The following ATG16L1 variants were observed in gnomAD, a reference collection of about 807,000 sequenced individuals.
The protein encoded by ATG16L1 is autophagy-related protein 16-1.
Under a neutral mutation model 88.5 loss-of-function variants are expected in ATG16L1, and 37 were observed. The ratio of observed to expected loss-of-function variants is 0.42; its 90% CI spans 0.32 to 0.55. The LOEUF (loss-of-function observed/expected upper bound fraction) is 0.55, where lower values mean the gene tolerates loss of function less well. Ranked by LOEUF, ATG16L1 falls within the 20% of genes least tolerant of loss-of-function variation. The pLI is 0.13. For synonymous variants in ATG16L1, 301 were observed against 281.0 expected (o/e 1.07, Z -0.71); for missense variants, 554 against 752.8 (o/e 0.74, Z 3.09).
At chr2:233,293,490 CT>C in intron 17 of ATG16L1, 133 bp downstream of exon 17, 2 of 792,570 alleles carry the variant, frequency 2.5e-6, no homozygotes, top group Non-Finnish European at 4.3e-6. Context: ...GCTGGCTGAG[CT>C]AGGTCAGTGG....
chr2:233,252,203 C>T (rs1696421751), intron 1 of ATG16L1, among the ~76,000 whole-genome samples: 1 of 152,358 alleles, frequency 6.6e-6, no homozygotes. Context: ...ATCCCAGTAG[C>T]TCATACAATG....
chr2:233,253,455 CCTGCCTCAGCCTCCCTAGTAG>C (rs1696555901), intron 1 of ATG16L1, among the ~76,000 whole-genome samples: 1 of 149,726 alleles, frequency 6.7e-6, no homozygotes, highest in Admixed American at 6.7e-5. Context: ...AAGAGATCCT[CCTGCCTCAGCCTCCCTAGTAG>C]CTGGAACTAT....
At chr2:233,288,757 C>T (rs769643339) in intron 12 of ATG16L1, 12 of 518,976 alleles carry the variant, frequency 2.3e-5, no homozygotes, top group Middle Eastern at 3.2e-4. Context: ...TCTCCTCCAT[C>T]GCACTTCAGA....
chr2:233,279,654 G>A (rs1698595102), intron 10 of ATG16L1, among the ~76,000 whole-genome samples: 1 of 152,102 alleles, frequency 6.6e-6, no homozygotes, highest in Admixed American at 6.5e-5. Context: ...ATTATCAGAA[G>A]AATCACACTT....
In ATG16L1 at chr2:233,294,898, C is replaced by G. The variant is rs1426110098; in HGVS notation, c.*548C>G. Reference sequence around the variant, plus strand: ...TTACTGCTGAAATGTCCTCACATCTCTTTCACTGTTCTTCAGAGCTTTCTG... The same window carrying G: ...TTACTGCTGAAATGTCCTCACATCTGTTTCACTGTTCTTCAGAGCTTTCTG... On this transcript the variant is annotated 3_prime_UTR_variant, in exon 18 of 18. Coordinates refer to ENST00000392017, the MANE Select transcript of ATG16L1 (RefSeq NM_030803.7). 6.6e-6 allele frequency: 1 copy of G among 152,422 alleles called. No homozygotes were observed. The highest frequency in any genetic ancestry group is 6.6e-5 in the Admixed American group (1 of 15,238). The allele number at this position is 152,422 out of a possible 1,614,324, so 9.4% of individuals were successfully genotyped here. A position where few individuals can be genotyped will look rare whatever the true frequency, so the allele number is the denominator to read the frequency against.
chr2:233,267,232 C>T (rs1021951011), intron 5 of ATG16L1, among the ~76,000 whole-genome samples: 2 of 152,058 alleles, frequency 1.3e-5, no homozygotes. Context: ...GCCTGTAATC[C>T]CAGCTACTCA....
In ATG16L1 at chr2:233,290,258, A is replaced by C. The variant is rs1420730248; in HGVS notation, c.1335A>C (p.Thr445=). ...WDLRSKVCIK[T]VFAGSSCNDI... ...TTGCATTTCTTTCAGGCATAAAGACAGTGTTTGCAGGATCCAGTTGCAATG... is the reference window on the plus strand; with the variant it reads ...TTGCATTTCTTTCAGGCATAAAGACCGTGTTTGCAGGATCCAGTTGCAATG... The change falls in exon 14 of 18, where the codon ACA becomes ACC. Residue 445 remains threonine, a synonymous_variant. Coordinates refer to ENST00000392017, the MANE Select transcript of ATG16L1 (RefSeq NM_030803.7). The C allele has an allele frequency of 6.2e-7, 1 of 1,614,150 alleles. No individual in the cohort carries two copies. The highest frequency in any genetic ancestry group is 8.5e-7 in the Non-Finnish European group (1 of 1,179,970).
intron 11 of ATG16L1, among the ~76,000 whole-genome samples, 182 bp downstream of exon 11, chr2:233,281,357 C>T (rs1000485704): frequency 7.2e-5 from 11 of 152,044 alleles, no homozygotes; most frequent in African/African-American, 2.4e-4. Context: ...CTGATAAACC[C>T]TTGGGTTCTG....
At chr2:233,277,326 A>G (rs1381315438) in intron 9 of ATG16L1, 5 of 413,038 alleles carry the variant, frequency 1.2e-5, no homozygotes, top group African/African-American at 2.0e-5. Flanking sequence ...TAAGCAGTCT[A>G]CACAGATTTT....
chr2:233,264,099 C>A, intron 4 of ATG16L1, 34 bp downstream of exon 4: 2 of 1,607,160 alleles, frequency 1.2e-6, no homozygotes, highest in South Asian at 2.2e-5. Flanking sequence ...GGAGCCTGGT[C>A]ATTGGGTCCC....
chr2:233,261,616 T>G (rs1193603617), intron 2 of ATG16L1, among the ~76,000 whole-genome samples: 1 of 152,164 alleles, frequency 6.6e-6, no homozygotes, highest in Non-Finnish European at 1.5e-5. Flanking sequence ...TCTTTTTATT[T>G]TATTCTGGGT....
At chr2:233,292,582 C>T (rs1404429588) in intron 16 of ATG16L1, 148 bp downstream of exon 16, 3 of 930,860 alleles carry the variant, frequency 3.2e-6, no homozygotes, top group African/African-American at 3.3e-5. Context: ...TTGCAGGCCA[C>T]CATTATTGTC....
intron 6 of ATG16L1, among the ~76,000 whole-genome samples, chr2:233,270,832 C>G (rs1485962284): frequency 6.6e-6 from 1 of 152,138 alleles, no homozygotes; most frequent in Non-Finnish European, 1.5e-5. Context: ...TTCCTTCGCT[C>G]TAGGATGTTT....
rs557166167 is a variant in ATG16L1 at position 233,291,027 on chromosome 2, C to T, written c.1430+674C>T. The stretch of plus-strand genomic sequence containing the variant: ...GGAAACCAATAGAGTTGATAAGGAC[C>T]TAAGTTCAAGTCAGTAGAGGAACAT... On this transcript the variant is annotated intron_variant, in intron 14 of 17. Transcript: ENST00000392017. Among the ~76,000 whole-genome samples the T allele has an allele frequency of 2.0e-5, 3 of 152,076 alleles. No individual in the cohort carries two copies. In the East Asian group the frequency reaches 5.8e-4, roughly 29 times the overall value.
intron 11 of ATG16L1, 42 bp downstream of exon 11, chr2:233,281,217 A>C: frequency 7.1e-7 from 1 of 1,399,306 alleles, no homozygotes; most frequent in Non-Finnish European, 9.8e-7. Flanking sequence ...TTTTAGAAAT[A>C]ATTTAAGACA....
intron 11 of ATG16L1, among the ~76,000 whole-genome samples, 165 bp downstream of exon 11, chr2:233,281,340 A>T (rs73998345): frequency 0.019 from 2,878 of 152,340 alleles, 91 homozygotes; most frequent in African/African-American, 0.065. Context: ...TAATTGCTGT[A>T]TCAACTCTGA....
chr2:233,273,250 G>T (rs1698113209), intron 7 of ATG16L1, 198 bp downstream of exon 7: 1 of 566,482 alleles, frequency 1.8e-6, no homozygotes, highest in Non-Finnish European at 3.1e-6. Context: ...GCAGAACACG[G>T]GTGGCTTCAA....
At chr2:233,280,426 G>GTA (rs1319113817) in intron 10 of ATG16L1, among the ~76,000 whole-genome samples, 8 of 152,350 alleles carry the variant, frequency 5.3e-5, no homozygotes, top group Middle Eastern at 3.4e-3. Flanking sequence ...TGGAAGCAGA[G>GTA]TAGATAAAGT....
intron 4 of ATG16L1, 46 bp from the exon 5 acceptor site, chr2:233,264,846 A>G (rs200473894): frequency 6.2e-7 from 1 of 1,607,672 alleles, no homozygotes; most frequent in Non-Finnish European, 8.5e-7. Flanking sequence ...GCTCTGGCAC[A>G]GGGCTCTGGC....
Sources: gnomAD v4.1 joint callset for allele counts (sites outside exome capture counted in the v4.1 genomes callset) on GRCh38, gnomAD v4.1.1 for gene constraint, MANE v1.5 for transcripts, NCBI Gene and HGNC (gene_info 2026-07-23, HGNC 2026-07-21) for gene names.